RGS7: variants seen among roughly 807,000 people sequenced by gnomAD.
RGS7 encodes the protein regulator of G-protein signaling 7.
A neutral mutation model predicts 81.1 loss-of-function variants in RGS7; 27 were observed. That is an observed-to-expected ratio of 0.33 (90% CI 0.25 to 0.46). The LOEUF is 0.46. RGS7 is among the 20% of genes least tolerant of loss of function. RGS7 has a pLI of 1.00. For missense variants in RGS7, 396 were observed against 607.4 expected (o/e 0.65, Z 3.66); for synonymous variants, 208 against 207.7 (o/e 1.00, Z -0.01).
rs186998204 is a variant in RGS7, at chr1:241,008,609, T to A, written c.176-25480A>T. Among the ~76,000 whole-genome samples, 71 of 152,236 alleles carry A rather than the reference T, an allele frequency of 4.7e-4. 1 individual carries two copies. Among genetic ancestry groups the A allele is most frequent in the African/African-American group, 1.7e-3 (69 of 41,546 alleles). ...ACCAAAGCTGTTGAAACTGTAAATT[T>A]TTTTCAGCCTTAATGGAATGTGGCC... On this transcript the variant is annotated intron_variant, in intron 3 of 18. Transcript: ENST00000440928.
chr1:240,941,826 A>AAGAGTTTAC (rs1242158525), intron 4 of RGS7, among the ~76,000 whole-genome samples: 1 of 151,110 alleles, frequency 6.6e-6, no homozygotes, highest in Non-Finnish European at 1.5e-5. Flanking sequence ...AAAGTGTTGA[A>AAGAGTTTAC]AGAGTTTACT....
chr1:240,788,856 G>C (rs1326535066), intron 18 of RGS7, among the ~76,000 whole-genome samples: 5 of 152,164 alleles, frequency 3.3e-5, no homozygotes, highest in South Asian at 2.1e-4. Context: ...TAATGAAGTA[G>C]GCAGGGTGTG....
intron 9 of RGS7, among the ~76,000 whole-genome samples, chr1:240,867,856 G>T (rs1474898162): frequency 2.0e-5 from 3 of 151,888 alleles, no homozygotes; most frequent in African/African-American, 7.3e-5. Context: ...CAAAAAATTA[G>T]CCAGGCTTGG....
chr1:241,120,926 A>G (rs1303717168), intron 2 of RGS7, among the ~76,000 whole-genome samples: 1 of 152,192 alleles, frequency 6.6e-6, no homozygotes, highest in Non-Finnish European at 1.5e-5. Flanking sequence ...CCTGCTTCAC[A>G]CTACAATTTG....
chr1:240,924,109 A>G lies in RGS7; in HGVS notation c.385+6608T>C, dbSNP rs2148316073. On this transcript the variant is annotated intron_variant, in intron 6 of 18. Coordinates refer to ENST00000440928, the MANE Select transcript of RGS7 (RefSeq NM_001364886.1). The stretch of plus-strand genomic sequence containing the variant: ...TATGGCAAGCTTTCTACCAATGGTA[A>G]CTGACCAACTTAAAATCTGTCCCTG... Among the ~76,000 whole-genome samples the G allele has an allele frequency of 2.0e-5, 3 of 152,336 alleles. No individual in the cohort carries two copies. In the South Asian group the frequency reaches 6.2e-4, roughly 32 times the overall value.
At chr1:241,235,680 CTTTCTCTCTCTCTT>C (rs1321677360) in intron 2 of RGS7, among the ~76,000 whole-genome samples, 1 of 26,636 alleles carries the variant, frequency 3.8e-5, no homozygotes, top group Non-Finnish European at 8.4e-5. Context: ...CTCTCTCTTT[CTTTCTCTCTCTCTT>C]TCTCTCTTTC....
At chr1:241,207,248 T>TCTCTCTCTCTCTC (rs1558189270) in intron 2 of RGS7, among the ~76,000 whole-genome samples, 2 of 149,798 alleles carry the variant, frequency 1.3e-5, no homozygotes, top group Admixed American at 1.3e-4. Context: ...GTTTCTTTCT[T>TCTCTCTCTCTCTC]TCTCTCTCTC....
rs201307171 is a variant in RGS7, at chr1:241,271,983, C to CT, written c.78+83715dup. ...TGGAGAACCCTGACTACTAGAATTT[C>CT]TTTTTTTTTTTTTTTATTTTTATTT... On this transcript the variant is annotated intron_variant, in intron 2 of 18. Coordinates refer to ENST00000440928, the MANE Select transcript of RGS7 (RefSeq NM_001364886.1). This position sits in a 1 kb window ranked among gnomAD's most constrained non-coding sequence, Gnocchi z 4.6. Among the ~76,000 whole-genome samples the CT allele has an allele frequency of 1.1e-3, 131 of 124,134 alleles. 2 individuals are homozygous for CT. The highest frequency in any genetic ancestry group is 4.2e-3 in the Middle Eastern group (1 of 236). 81.4% of individuals were successfully genotyped at this position (124,134 alleles called of 152,430 possible).
At position 240,861,074 on chromosome 1, in the gene RGS7, C is replaced by G. The variant is rs553335251; in HGVS notation, c.609+7513G>C. Among the ~76,000 whole-genome samples the G allele has an allele frequency of 7.4e-4, 112 of 152,280 alleles. 5 individuals are homozygous for G. The South Asian group carries it at 0.023, about 31-fold the overall frequency. On this transcript the variant is annotated intron_variant, in intron 9 of 18. Transcript: ENST00000440928. ...GGGAATTGAAGACAGACTTTCTGCT[C>G]TTCAAGAGATCATGGTCTGACAGAT...
At chr1:240,817,074 C>G (rs749906832) in intron 10 of RGS7, among the ~76,000 whole-genome samples, 1 of 152,142 alleles carries the variant, frequency 6.6e-6, no homozygotes, top group Non-Finnish European at 1.5e-5. Flanking sequence ...GTCAAAAGGT[C>G]AGACCTACTA....
intron 6 of RGS7, among the ~76,000 whole-genome samples, chr1:240,913,798 T>G (rs1008085960): frequency 6.6e-6 from 1 of 152,058 alleles, no homozygotes; most frequent in Non-Finnish European, 1.5e-5. Flanking sequence ...GTTTTTTTTT[T>G]ATTTTGAACA....
rs1228666822 is a variant in RGS7, at chr1:241,163,733, TG to T, written c.79-64972del. On this transcript the variant is annotated intron_variant, in intron 2 of 18. Transcript: ENST00000440928. This position sits in a 1 kb window ranked among gnomAD's most constrained non-coding sequence, Gnocchi z 4.6. ...TGGTACATAAGCTTCTGAACCCCACTGGGGAGTTGGGATAATCACTCTGCAG... is the reference window on the plus strand; with the variant it reads ...TGGTACATAAGCTTCTGAACCCCACTGGGAGTTGGGATAATCACTCTGCAG... Among the ~76,000 whole-genome samples, 4 of 152,246 alleles carry T rather than the reference TG, an allele frequency of 2.6e-5. No individual in the cohort carries two copies. The East Asian group carries it at 7.7e-4, about 29-fold the overall frequency.
At chr1:241,018,555 T>C (rs1435214945) in intron 3 of RGS7, among the ~76,000 whole-genome samples, 1 of 152,136 alleles carries the variant, frequency 6.6e-6, no homozygotes, top group Non-Finnish European at 1.5e-5. Context: ...GGGGATATTC[T>C]TGGTACAAGT....
At chr1:240,946,536 A>G (rs1678636796) in intron 4 of RGS7, among the ~76,000 whole-genome samples, 2 of 152,042 alleles carry the variant, frequency 1.3e-5, no homozygotes, top group African/African-American at 4.8e-5. Flanking sequence ...GAGCCCAGGA[A>G]TTTGAGGTTG....
chr1:241,271,884 CGTGTGTGTGTGTGTGTGTGTGTGTGTGT>C lies in RGS7; in HGVS notation c.78+83787_78+83814del, dbSNP rs373357799. 7.1e-6 allele frequency among the ~76,000 whole-genome samples: 1 copy of C among 140,378 alleles called. No individual in the cohort carries two copies. The highest frequency in any genetic ancestry group is 1.5e-5 in the Non-Finnish European group (1 of 65,712). The allele number at this position is 140,378 out of a possible 152,430, so 92.1% of individuals were successfully genotyped here. ...AATCACACAAGCCAAATCTTTATAA[CGTGTGTGTGTGTGTGTGTGTGTGTGTGT>C]GTGTGTGTGTGTGTGTGTGTAGACA... On this transcript the variant is annotated intron_variant, in intron 2 of 18. Transcript: ENST00000440928. This position sits in a 1 kb window ranked among gnomAD's most constrained non-coding sequence, Gnocchi z 4.6.
chr1:241,063,482 T>A (rs1204050011), intron 3 of RGS7, among the ~76,000 whole-genome samples: 1 of 152,206 alleles, frequency 6.6e-6, no homozygotes, highest in Non-Finnish European at 1.5e-5. Context: ...CCGCTCAGCA[T>A]GTGAATCCCA....
At chr1:240,787,552 T>C (rs1685273818) in intron 18 of RGS7, among the ~76,000 whole-genome samples, 1 of 152,206 alleles carries the variant, frequency 6.6e-6, no homozygotes, top group African/African-American at 2.4e-5. Flanking sequence ...TCTGTCTTCC[T>C]CCCTGTTCCT....
chr1:241,000,414 C>T (rs971531245), intron 3 of RGS7, among the ~76,000 whole-genome samples: 1 of 152,148 alleles, frequency 6.6e-6, no homozygotes, highest in African/African-American at 2.4e-5. Context: ...TTATACTTTA[C>T]AGCTATCCAG....
chr1:240,823,803 G>C (rs1692269748), intron 10 of RGS7, among the ~76,000 whole-genome samples: 1 of 151,656 alleles, frequency 6.6e-6, no homozygotes, highest in African/African-American at 2.4e-5. Flanking sequence ...CTCTGTCTCT[G>C]TCTCTCTCCC....
Sources: gnomAD v4.1 joint callset for allele counts (sites outside exome capture counted in the v4.1 genomes callset) on GRCh38, gnomAD v4.1.1 for gene constraint, Gnocchi (gnomAD v3.1) non-coding constraint, MANE v1.5 for transcripts, NCBI Gene and HGNC (gene_info 2026-07-23, HGNC 2026-07-21) for gene names.